The following ARMC10 variants were observed in gnomAD, a reference collection of about 807,000 sequenced individuals.
ARMC10 encodes armadillo repeat containing 10.
ARMC10 carries 23 observed loss-of-function variants against 30.2 expected under a neutral mutation model. The ratio of observed to expected loss-of-function variants is 0.76; its 90% CI spans 0.55 to 1.08. The LOEUF (loss-of-function observed/expected upper bound fraction) is 1.08. Ranked by LOEUF, ARMC10 falls within the 50% of genes least tolerant of loss-of-function variation. ARMC10 has a pLI of 0.00. For missense variants in ARMC10, 303 were observed against 413.7 expected, an observed-to-expected ratio of 0.73 and a Z score of 2.32; for synonymous variants, 111 against 164.4, an observed-to-expected ratio of 0.68 and a Z score of 2.48.
intron 2 of ARMC10, among the ~76,000 whole-genome samples, chr7:103,081,276 T>C (rs921821833): frequency 6.6e-6 from 1 of 152,236 alleles, no homozygotes; most frequent in Non-Finnish European, 1.5e-5. Flanking sequence ...AATTCTGTGA[T>C]ACAACACCGT....
chr7:103,084,352 T>C (rs1245077287), intron 3 of ARMC10, among the ~76,000 whole-genome samples: 3 of 152,150 alleles, frequency 2.0e-5, no homozygotes, highest in Admixed American at 6.5e-5. Flanking sequence ...CATGAAAAAA[T>C]AGTTAAAACA....
At chr7:103,098,266 A>C in intron 6 of ARMC10, 33 bp from the exon 7 acceptor site, 1 of 1,305,864 alleles carries the variant, frequency 7.7e-7, no homozygotes, top group Admixed American at 3.6e-5. Context: ...TATATTATTA[A>C]TATAAAATAA....
At chr7:103,075,699 T>G (rs1040637636) in intron 1 of ARMC10, 78 bp from the exon 2 acceptor site, 3 of 1,117,926 alleles carry the variant, frequency 2.7e-6, no homozygotes, top group Non-Finnish European at 2.5e-6. Context: ...TCCGGGCCTT[T>G]GTGTAACTAA....
chr7:103,075,235 G>A lies in ARMC10; in HGVS notation c.-38G>A. On this transcript the variant is annotated 5_prime_UTR_variant, in exon 1 of 7. Coordinates refer to ENST00000323716, the MANE Select transcript of ARMC10 (RefSeq NM_031905.5). ...CCGCGCTGGCCCCCGCGAGCCTCCT[G>A]CCCTGGCCCGGCGCTGCGGCTCTGC... is the stretch of plus-strand genomic sequence containing the variant. 8.6e-7 allele frequency: 1 copy of A among 1,156,390 alleles called. No individual in the cohort carries two copies. 71.6% of individuals were successfully genotyped at this position (1,156,390 alleles called of 1,614,324 possible). A position where few individuals can be genotyped will look rare whatever the true frequency, so the allele number is the denominator to read the frequency against.
At chr7:103,096,956 CTG>C in intron 5 of ARMC10, 4 of 329,852 alleles carry the variant, frequency 1.2e-5, no homozygotes, top group Non-Finnish European at 2.2e-5. Context: ...ACCTGTATCT[CTG>C]TGATAAGTTC....
At chr7:103,082,983 C>G (rs1554525287) in intron 2 of ARMC10, 1 of 444,830 alleles carries the variant, frequency 2.2e-6, no homozygotes, top group East Asian at 7.1e-5. Flanking sequence ...GATTGGTTTA[C>G]TCTCATAGCT....
At chr7:103,081,935 T>A (rs1315927908) in intron 2 of ARMC10, 1 of 456,548 alleles carries the variant, frequency 2.2e-6, no homozygotes. Flanking sequence ...TAACTTTGAT[T>A]TTTCATTTCT....
At chr7:103,079,653 T>G (rs760826057) in intron 2 of ARMC10, among the ~76,000 whole-genome samples, 1 of 152,242 alleles carries the variant, frequency 6.6e-6, no homozygotes, top group Non-Finnish European at 1.5e-5. Context: ...ATTAACTAAC[T>G]ACTAGAAGCA....
intron 3 of ARMC10, 63 bp downstream of exon 3, chr7:103,083,893 C>A: frequency 6.4e-7 from 1 of 1,569,458 alleles, no homozygotes; most frequent in South Asian, 1.1e-5. Context: ...TAATTGTGAC[C>A]CTGAATAAAT....
At chr7:103,094,399 G>A (rs1211038353) in intron 5 of ARMC10, among the ~76,000 whole-genome samples, 2 of 152,154 alleles carry the variant, frequency 1.3e-5, no homozygotes. Flanking sequence ...ATCTGTAGTT[G>A]TACTCTAACT....
intron 4 of ARMC10, chr7:103,087,059 G>A (rs913888751): frequency 4.3e-6 from 2 of 468,810 alleles, no homozygotes; most frequent in African/African-American, 4.1e-5. Flanking sequence ...ACCAAATAGT[G>A]AATATAGTTG....
intron 2 of ARMC10, chr7:103,081,858 T>C: frequency 2.2e-6 from 1 of 456,666 alleles, no homozygotes; most frequent in South Asian, 1.5e-5. Flanking sequence ...AGTTACAGTA[T>C]TAAGCCAACC....
At position 103,075,244 on chromosome 7, in the gene ARMC10, C is replaced by A. The variant is rs1020688458; in HGVS notation, c.-29C>A. On this transcript the variant is annotated 5_prime_UTR_variant, in exon 1 of 7. Transcript: ENST00000323716. ...CCCCCGCGAGCCTCCTGCCCTGGCC[C>A]GGCGCTGCGGCTCTGCCGCGGCGGC... 1.0e-5 allele frequency: 12 copies of A among 1,167,392 alleles called. No homozygotes were observed. The highest frequency in any genetic ancestry group is 4.6e-5 in the Admixed American group (1 of 21,524). 72.3% of individuals were successfully genotyped at this position (1,167,392 alleles called of 1,614,324 possible).
At chr7:103,079,372 T>C (rs1524419) in intron 2 of ARMC10, among the ~76,000 whole-genome samples, 4,116 of 152,298 alleles carry the variant, frequency 0.027, 205 homozygotes, top group African/African-American at 0.093. Flanking sequence ...TGATAAAAAC[T>C]TGCAGCAAGT....
rs1249179582 is a variant in ARMC10, at chr7:103,087,672, AC to A, written c.528+909del. 3 of 648,652 alleles carry A rather than the reference AC, an allele frequency of 4.6e-6. No individual in the cohort carries two copies. In the East Asian group the frequency reaches 4.1e-4, roughly 89 times the overall value. 40.2% of individuals were successfully genotyped at this position (648,652 alleles called of 1,614,324 possible). A position where few individuals can be genotyped will look rare whatever the true frequency, so the allele number is the denominator to read the frequency against. On this transcript the variant is annotated intron_variant, in intron 4 of 6. Transcript: ENST00000323716. Reference sequence around the variant, plus strand: ...AGGATGTGCTCCTATGAAGAAAAAAACAACAAATAACCAAACTTTATTTCCT... The same window carrying A: ...AGGATGTGCTCCTATGAAGAAAAAAAAACAAATAACCAAACTTTATTTCCT...
chr7:103,096,967 T>C, intron 5 of ARMC10: 1 of 350,674 alleles, frequency 2.9e-6, no homozygotes, highest in Non-Finnish European at 5.2e-6. Context: ...TGTGATAAGT[T>C]CTCTAAGAGT....
intron 2 of ARMC10, among the ~76,000 whole-genome samples, chr7:103,076,529 T>C (rs115827094): frequency 6.6e-6 from 1 of 152,318 alleles, no homozygotes; most frequent in African/African-American, 2.4e-5. Flanking sequence ...GGCCAAATGC[T>C]TATTTCACTT....
At chr7:103,078,507 C>G (rs561281640) in intron 2 of ARMC10, among the ~76,000 whole-genome samples, 1 of 152,304 alleles carries the variant, frequency 6.6e-6, no homozygotes, top group East Asian at 1.9e-4. Flanking sequence ...TGTAAGTTTC[C>G]TGAGGCCTCC....
chr7:103,092,397 C>A, intron 4 of ARMC10, 80 bp from the exon 5 acceptor site: 1 of 882,062 alleles, frequency 1.1e-6, no homozygotes, highest in Non-Finnish European at 1.7e-6. Context: ...AGTAGCCCTA[C>A]TCCACTGTGC....
Sources: gnomAD v4.1 joint callset for allele counts (sites outside exome capture counted in the v4.1 genomes callset) on GRCh38, gnomAD v4.1.1 for gene constraint, MANE v1.5 for transcripts, NCBI Gene and HGNC (gene_info 2026-07-23, HGNC 2026-07-21) for gene names.